Variants in TMEM63A observed in about 807,000 individuals in gnomAD.
TMEM63A encodes the protein transmembrane protein 63A.
TMEM63A carries 76 observed loss-of-function variants against 100.6 expected under a neutral mutation model. The ratio of observed to expected loss-of-function variants is 0.76; its 90% CI spans 0.63 to 0.91. The LOEUF is 0.91. Among genes scored for constraint, TMEM63A ranks in the 40% least tolerant of loss-of-function variants. TMEM63A has a pLI of 0.00. For synonymous variants in TMEM63A, 401 were observed against 401.1 expected (o/e 1.00, Z 0.00); for missense variants, 876 against 1,008.8 (o/e 0.87, Z 1.78).
At chr1:225,858,947 AATGTGTGTGTGT>A (rs1364587714) in intron 15 of TMEM63A, among the ~76,000 whole-genome samples, 3 of 122,856 alleles carry the variant, frequency 2.4e-5, no homozygotes, top group Non-Finnish European at 3.3e-5. Flanking sequence ...ATATACATAT[AATGTGTGTGTGT>A]GTGTGTGTGT....
rs1669248757 is a variant in TMEM63A, at chr1:225,850,157, C to CTA, written c.1904-80_1904-79dup. The CTA allele has an allele frequency of 1.9e-6, 3 of 1,549,512 alleles. No individual in the cohort carries two copies. In the African/African-American group the frequency reaches 4.1e-5, roughly 21 times the overall value. On this transcript the variant is annotated intron_variant, in intron 20 of 24. Coordinates refer to ENST00000366835, the MANE Select transcript of TMEM63A (RefSeq NM_014698.3). ...TCTGTCCTCTTCCTCTCCGGGGCGG[C>CTA]TATTTTGGCAAGGAGCCAGGGCTGG... is the stretch of plus-strand genomic sequence containing the variant.
At chr1:225,873,618 T>G (rs1670629757) in intron 4 of TMEM63A, among the ~76,000 whole-genome samples, 1 of 152,180 alleles carries the variant, frequency 6.6e-6, no homozygotes, top group Non-Finnish European at 1.5e-5. Flanking sequence ...CTGTCACCCT[T>G]CAGGCGACAT....
At chr1:225,854,795 G>C (rs920041800) in intron 18 of TMEM63A, among the ~76,000 whole-genome samples, 2 of 152,174 alleles carry the variant, frequency 1.3e-5, no homozygotes, top group Non-Finnish European at 2.9e-5. Context: ...ACCTAGAGAG[G>C]CAGTGTGGAC....
At chr1:225,856,866 G>A in intron 16 of TMEM63A, 45 bp downstream of exon 16, 1 of 1,597,026 alleles carries the variant, frequency 6.3e-7, no homozygotes, top group South Asian at 1.1e-5. Flanking sequence ...AGCGGTCAGA[G>A]ATATCCTTCT....
At chr1:225,881,701 G>A (rs539686224) in intron 1 of TMEM63A, among the ~76,000 whole-genome samples, 11 of 152,300 alleles carry the variant, frequency 7.2e-5, no homozygotes, top group African/African-American at 2.6e-4. Flanking sequence ...GAATGACCAA[G>A]GCCCCTCCAG....
At chr1:225,871,689 G>C in intron 5 of TMEM63A, 1 of 378,812 alleles carries the variant, frequency 2.6e-6, no homozygotes, top group Non-Finnish European at 4.7e-6. Context: ...TCATAATCCA[G>C]CCAGCAAGTC....
At chr1:225,863,148 G>A (rs1322530848) in intron 10 of TMEM63A, 1 of 359,102 alleles carries the variant, frequency 2.8e-6, no homozygotes, top group Non-Finnish European at 5.3e-6. Context: ...CAACCTTCTG[G>A]GCTCAATCAA....
intron 4 of TMEM63A, among the ~76,000 whole-genome samples, chr1:225,873,581 C>T (rs1225177182): frequency 4.6e-5 from 7 of 152,164 alleles, no homozygotes; most frequent in African/African-American, 1.7e-4. Context: ...GGAGCTGGAA[C>T]GTCAGGTTGT....
chr1:225,881,733 T>C (rs1439436775), intron 1 of TMEM63A, among the ~76,000 whole-genome samples: 1 of 152,220 alleles, frequency 6.6e-6, no homozygotes, highest in Non-Finnish European at 1.5e-5. Flanking sequence ...GCTAGTCTTA[T>C]CAGGTGCTGG....
chr1:225,847,348 T>G, intron 23 of TMEM63A, 135 bp from the exon 24 acceptor site: 3 of 1,163,332 alleles, frequency 2.6e-6, no homozygotes, highest in Non-Finnish European at 3.6e-6. Context: ...GACATCCATT[T>G]AGGACATTAA....
At chr1:225,859,789 C>A (rs1208176606) in intron 14 of TMEM63A, 1 of 169,954 alleles carries the variant, frequency 5.9e-6, no homozygotes, top group African/African-American at 2.4e-5. Context: ...GGACTATAGG[C>A]GTGTACCACC....
downstream of TMEM63A, chr1:225,844,404 GGC>G (rs1238989729): frequency 1.9e-6 from 3 of 1,600,474 alleles, no homozygotes; most frequent in Non-Finnish European, 2.6e-6. Context: ...AAGCCGCATG[GGC>G]AGGGCCTGGC....
chr1:225,853,518 C>T lies in TMEM63A; in HGVS notation c.1797+111G>A. The T allele has an allele frequency of 8.8e-7, 1 of 1,132,614 alleles. No individual in the cohort carries two copies. The highest frequency in any genetic ancestry group is 1.2e-6 in the Non-Finnish European group (1 of 828,576). The allele number at this position is 1,132,614 out of a possible 1,614,324, so 70.2% of individuals were successfully genotyped here. A position where few individuals can be genotyped will look rare whatever the true frequency, so the allele number is the denominator to read the frequency against. ...CCCAGTGCCTGCACTAGTGGGTAGT[C>T]AGGTAAATGCTACCCACTAGTGGGG... On this transcript the variant is annotated intron_variant, in intron 19 of 24. Transcript: ENST00000366835. The surrounding 1 kb of genome is among the most constrained non-coding windows in gnomAD (Gnocchi z 4.0).
chr1:225,847,034 C>T lies in TMEM63A; in HGVS notation c.*6G>A, dbSNP rs867317398. On this transcript the variant is annotated splice_region_variant and 3_prime_UTR_variant, in exon 24 of 25. Transcript: ENST00000366835. ...GAGCCTGGCCCAGCCAGCAGCTCAC[C>T]CAGCCTCAGGCCTCCTGGGGGGCAG... 2 of 1,605,354 alleles carry T rather than the reference C, an allele frequency of 1.2e-6. No individual in the cohort carries two copies. The highest frequency in any genetic ancestry group is 8.5e-7 in the Non-Finnish European group (1 of 1,175,326).
At chr1:225,856,327 G>GTTTTTTTTT (rs71574544) in intron 17 of TMEM63A, among the ~76,000 whole-genome samples, 1 of 108,052 alleles carries the variant, frequency 9.3e-6, no homozygotes, top group African/African-American at 3.6e-5. Context: ...TTTCAAGCTG[G>GTTTTTTTTT]TTTTTTTTTT....
intron 4 of TMEM63A, among the ~76,000 whole-genome samples, chr1:225,873,005 T>A (rs1021679249): frequency 1.3e-5 from 2 of 152,142 alleles, no homozygotes; most frequent in African/African-American, 4.8e-5. Flanking sequence ...TGACTCCTTT[T>A]CTCTAGTCTC....
intron 22 of TMEM63A, 69 bp from the exon 23 acceptor site, chr1:225,848,623 A>C: frequency 6.6e-7 from 1 of 1,515,258 alleles, no homozygotes; most frequent in African/African-American, 1.4e-5. Flanking sequence ...CCCTCCAAAC[A>C]CACAGACTAT....
At chr1:225,870,313 T>C (rs1199544733) in intron 6 of TMEM63A, among the ~76,000 whole-genome samples, 4 of 151,406 alleles carry the variant, frequency 2.6e-5, no homozygotes, top group African/African-American at 9.7e-5. Flanking sequence ...GATCGTGCCA[T>C]TGCACTCCAG....
chr1:225,867,222 A>G lies in TMEM63A; in HGVS notation c.515-59T>C. On this transcript the variant is annotated intron_variant, in intron 7 of 24. Coordinates refer to ENST00000366835, the MANE Select transcript of TMEM63A (RefSeq NM_014698.3). The surrounding 1 kb of genome is among the most constrained non-coding windows in gnomAD (Gnocchi z 4.6). Reference sequence around the variant, plus strand: ...CATGTGGGGAAGCAGGAGGGGGCGTAACCAATCAGCCTTGGTTTGTGGAGC... The same window carrying G: ...CATGTGGGGAAGCAGGAGGGGGCGTGACCAATCAGCCTTGGTTTGTGGAGC... 6.4e-7 allele frequency: 1 copy of G among 1,569,954 alleles called. No individual in the cohort carries two copies. The highest frequency in any genetic ancestry group is 1.1e-5 in the South Asian group (1 of 90,174).
Sources: gnomAD v4.1 joint callset for allele counts (sites outside exome capture counted in the v4.1 genomes callset) on GRCh38, gnomAD v4.1.1 for gene constraint, Gnocchi (gnomAD v3.1) non-coding constraint, MANE v1.5 for transcripts, NCBI Gene and HGNC (gene_info 2026-07-23, HGNC 2026-07-21) for gene names.